The following TCOF1 variants were observed in gnomAD, a reference collection of about 807,000 sequenced individuals.
TCOF1 encodes the protein treacle protein.
TCOF1 carries 33 observed loss-of-function variants against 149.0 expected under a neutral mutation model. That is an observed-to-expected ratio of 0.22 (90% CI 0.17 to 0.30). TCOF1 has a LOEUF of 0.30. Ranked by LOEUF, TCOF1 falls within the 10% of genes least tolerant of loss-of-function variation. The probability of loss-of-function intolerance (pLI) is 1.00; values close to 1 mark genes in which losing one functional copy is unlikely to be tolerated. For missense variants in TCOF1, 1,728 were observed against 1,840.7 expected, an observed-to-expected ratio of 0.94 and a Z score of 1.12; for synonymous variants, 789 against 738.8, an observed-to-expected ratio of 1.07 and a Z score of -1.10.
At chr5:150,378,554 CT>C (rs369585129) in intron 14 of TCOF1, 266 of 307,992 alleles carry the variant, frequency 8.6e-4, no homozygotes, top group African/African-American at 5.3e-3. Context: ...TGCCACCTAG[CT>C]GAAAGGGAGC....
rs373973751 is a variant in TCOF1, at chr5:150,369,514, G to A, written c.566-15G>A. 4.5e-5 allele frequency: 73 copies of A among 1,613,910 alleles called. No individual in the cohort carries two copies. The highest frequency in any genetic ancestry group is 5.7e-5 in the Non-Finnish European group (67 of 1,179,992). On this transcript the variant is annotated splice_polypyrimidine_tract_variant and intron_variant, in intron 5 of 26. Coordinates refer to ENST00000643257, the MANE Select transcript of TCOF1 (RefSeq NM_001371623.1). Reference sequence around the variant, plus strand: ...GAAAGGGAGTCCCTCAGTCCCCTCCGTGTCCGATCCTCAGGGATGGTGTCA... The same window carrying A: ...GAAAGGGAGTCCCTCAGTCCCCTCCATGTCCGATCCTCAGGGATGGTGTCA...
intron 11 of TCOF1, 78 bp from the exon 12 acceptor site, chr5:150,375,643 G>C (rs1259142310): frequency 2.5e-6 from 4 of 1,612,516 alleles, no homozygotes; most frequent in Non-Finnish European, 3.4e-6. Context: ...CTGGGACTCT[G>C]TCTACAATCT....
rs769487184 is a variant in TCOF1, at chr5:150,375,306, TC to T, written c.1489-30del. 1.2e-5 allele frequency: 19 copies of T among 1,606,802 alleles called. No homozygotes were observed. The South Asian group carries it at 1.8e-4, about 15-fold the overall frequency. ...CCTCACTCACATTCTCCTTCTGGAC[TC>T]CCTCCCTAATCTTGTCCTTTGTGTC... On this transcript the variant is annotated intron_variant, in intron 10 of 26. Transcript: ENST00000643257.
At chr5:150,359,313 C>A (rs756351257) in intron 1 of TCOF1, among the ~76,000 whole-genome samples, 17 of 151,564 alleles carry the variant, frequency 1.1e-4, no homozygotes, top group Non-Finnish European at 2.2e-4. Flanking sequence ...AGCCACTGCA[C>A]TCCATCCTGG....
intron 23 of TCOF1, among the ~76,000 whole-genome samples, chr5:150,395,613 G>T (rs556207626): frequency 3.3e-5 from 5 of 151,844 alleles, no homozygotes; most frequent in Non-Finnish European, 7.4e-5. Context: ...CTAAACAAAG[G>T]CTGCACCAGA....
chr5:150,385,398 C>T (rs1313345438), intron 17 of TCOF1, among the ~76,000 whole-genome samples: 1 of 152,192 alleles, frequency 6.6e-6, no homozygotes, highest in Non-Finnish European at 1.5e-5. Flanking sequence ...TGGGTGAGGC[C>T]ACTTGCCTTC....
chr5:150,371,907 T>G, intron 6 of TCOF1, 99 bp from the exon 7 acceptor site: 1 of 1,106,234 alleles, frequency 9.0e-7, no homozygotes, highest in Non-Finnish European at 1.3e-6. Context: ...TCCAGTGACA[T>G]TAGGAAAGAG....
At chr5:150,372,354 G>A in intron 7 of TCOF1, 118 bp downstream of exon 7, 2 of 897,824 alleles carry the variant, frequency 2.2e-6, no homozygotes, top group Non-Finnish European at 3.4e-6. Context: ...ATGGTGTGAA[G>A]TTGAAGAGCA....
intron 14 of TCOF1, 79 bp downstream of exon 14, chr5:150,376,699 T>C: frequency 1.4e-6 from 2 of 1,444,658 alleles, no homozygotes; most frequent in Non-Finnish European, 1.9e-6. Context: ...GACTGGGGGC[T>C]AGTGTTGCCT....
At chr5:150,359,850 G>C (rs1383910688) in intron 1 of TCOF1, among the ~76,000 whole-genome samples, 5 of 152,160 alleles carry the variant, frequency 3.3e-5, no homozygotes, top group Non-Finnish European at 7.4e-5. Flanking sequence ...GGCAGGCAAG[G>C]GGGATAAGGG....
chr5:150,368,281 T>C (rs1342603544), intron 4 of TCOF1: 3 of 358,686 alleles, frequency 8.4e-6, no homozygotes, highest in Non-Finnish European at 5.2e-6. Flanking sequence ...TCAAGACATC[T>C]GTGGTTCTGA....
intron 13 of TCOF1, 45 bp from the exon 14 acceptor site, chr5:150,376,378 T>A: frequency 1.2e-6 from 2 of 1,614,024 alleles, no homozygotes; most frequent in Non-Finnish European, 1.7e-6. Flanking sequence ...CCCTACGTGG[T>A]CCTTTGGACT....
intron 1 of TCOF1, 135 bp from the exon 2 acceptor site, chr5:150,361,021 C>A: frequency 9.2e-7 from 1 of 1,083,898 alleles, no homozygotes; most frequent in Non-Finnish European, 1.4e-6. Flanking sequence ...CAGGTATGAG[C>A]CACCATGCCC....
chr5:150,392,922 G>C (rs1181862387), intron 22 of TCOF1, 132 bp downstream of exon 22: 2 of 1,121,914 alleles, frequency 1.8e-6, no homozygotes, highest in East Asian at 2.6e-5. Context: ...GCAAGGTCCT[G>C]TCTGCAAGGC....
intron 1 of TCOF1, 73 bp from the exon 2 acceptor site, chr5:150,361,083 G>A: frequency 6.3e-7 from 1 of 1,597,860 alleles, no homozygotes. Flanking sequence ...CATGAGTTTG[G>A]GGAGATCTGG....
rs773218486 is a variant in TCOF1, at chr5:150,379,613, A to G, written c.2740A>G (p.Thr914Ala). The change falls in exon 17 of 27, where the codon ACA (threonine) becomes GCA (alanine). Residue 914 changes from threonine to alanine, a missense_variant. Thr to Ala is a moderately conservative substitution (Grantham distance 58). Coordinates refer to ENST00000643257, the MANE Select transcript of TCOF1 (RefSeq NM_001371623.1). ...KESPRKGAAP[T>A]PPGKTGPSAA... ...GTCCCCCAGGAAAGGGGCTGCCCCA[A>G]CACCTCCTGGGAAGACAGGGCCTTC... 16 of 1,613,768 alleles carry G rather than the reference A, an allele frequency of 9.9e-6. No homozygotes were observed. Among genetic ancestry groups the G allele is most frequent in the African/African-American group, 1.3e-5 (1 of 74,802 alleles).
In TCOF1 at chr5:150,369,615, C is replaced by T. The variant is rs1762099251; in HGVS notation, c.639+13C>T. 1 of 1,614,008 alleles carries T rather than the reference C, an allele frequency of 6.2e-7. No homozygotes were observed. The highest frequency in any genetic ancestry group is 8.5e-7 in the Non-Finnish European group (1 of 1,179,988). On this transcript the variant is annotated intron_variant, in intron 6 of 26. Transcript: ENST00000643257. Reference sequence around the variant, plus strand: ...GACAGACGTGGAGGTAATTGCCACCCATCCCTAGGAGTTGCCCTCTCCCAG... The same window carrying T: ...GACAGACGTGGAGGTAATTGCCACCTATCCCTAGGAGTTGCCCTCTCCCAG...
At chr5:150,368,005 TGTGA>T (rs773354773) in intron 4 of TCOF1, 88 bp downstream of exon 4, 6 of 1,430,502 alleles carry the variant, frequency 4.2e-6, no homozygotes, top group Non-Finnish European at 5.9e-6. Flanking sequence ...AGGATAGGGT[TGTGA>T]GTAATTGCCC....
chr5:150,370,382 G>T (rs1462339324), intron 6 of TCOF1, among the ~76,000 whole-genome samples: 1 of 152,200 alleles, frequency 6.6e-6, no homozygotes, highest in African/African-American at 2.4e-5. Context: ...TTTTAAGACA[G>T]TCTCACTGTG....
Sources: gnomAD v4.1 joint callset for allele counts (sites outside exome capture counted in the v4.1 genomes callset) on GRCh38, gnomAD v4.1.1 for gene constraint, MANE v1.5 for transcripts, NCBI Gene and HGNC (gene_info 2026-07-23, HGNC 2026-07-21) for gene names.